Variants in CNTNAP2 observed in about 807,000 individuals in gnomAD.
CNTNAP2 encodes the protein contactin associated protein 2, also known as contactin-associated protein-like 2.
CNTNAP2 carries 98 observed loss-of-function variants against 155.2 expected under a neutral mutation model. The observed-to-expected ratio is 0.63, with a 90% CI of 0.54 to 0.75. The LOEUF (loss-of-function observed/expected upper bound fraction) is 0.75. Ranked by LOEUF, CNTNAP2 falls within the 30% of genes least tolerant of loss-of-function variation. The probability of loss-of-function intolerance (pLI) is 0.00; values close to 1 mark genes in which losing one functional copy is unlikely to be tolerated. For synonymous variants in CNTNAP2, 651 were observed against 631.2 expected, an observed-to-expected ratio of 1.03 and a Z score of -0.47; for missense variants, 1,727 against 1,688.1, an observed-to-expected ratio of 1.02 and a Z score of -0.40.
chr7:146,388,510 A>G (rs1266868778), intron 1 of CNTNAP2, among the ~76,000 whole-genome samples: 1 of 152,154 alleles, frequency 6.6e-6, no homozygotes, highest in Non-Finnish European at 1.5e-5. Context: ...ATGCAGGGGT[A>G]CATGAGATAT....
At chr7:148,045,234 A>G (rs532530281) in intron 15 of CNTNAP2, among the ~76,000 whole-genome samples, 1 of 152,230 alleles carries the variant, frequency 6.6e-6, no homozygotes, top group East Asian at 1.9e-4. Flanking sequence ...TGTGGGGAGC[A>G]AAAGAGATCA....
chr7:147,184,553 C>T (rs1802526780), intron 8 of CNTNAP2, among the ~76,000 whole-genome samples: 1 of 152,142 alleles, frequency 6.6e-6, no homozygotes, highest in Admixed American at 6.6e-5. Context: ...ACTGAAAACA[C>T]AGCCCACACC....
chr7:147,832,565 TTATATTGAAA>T (rs1462517765), intron 13 of CNTNAP2, among the ~76,000 whole-genome samples: 6 of 146,190 alleles, frequency 4.1e-5, no homozygotes, highest in African/African-American at 9.9e-5. Flanking sequence ...TTGAAATATA[TTATATTGAAA>T]TATATTGAAA....
intron 1 of CNTNAP2, among the ~76,000 whole-genome samples, chr7:146,665,914 C>T (rs1480759003): frequency 1.3e-5 from 2 of 151,148 alleles, no homozygotes; most frequent in East Asian, 3.9e-4. Context: ...AGTGATGCTT[C>T]AGTACATATA....
At chr7:146,837,175 G>T (rs9692426) in intron 2 of CNTNAP2, among the ~76,000 whole-genome samples, 59,291 of 151,778 alleles carry the variant, frequency 0.39, 15,072 homozygotes, top group African/African-American at 0.73. Context: ...ATCTCTGCTT[G>T]TAGTACTCCA....
At chr7:146,734,878 T>C (rs550758545) in intron 1 of CNTNAP2, among the ~76,000 whole-genome samples, 65 of 152,162 alleles carry the variant, frequency 4.3e-4, no homozygotes, top group Non-Finnish European at 8.8e-4. Context: ...ATCCTTAATT[T>C]TGAGTAATGC....
intron 23 of CNTNAP2, among the ~76,000 whole-genome samples, chr7:148,415,100 C>CTCCTTTTTGTTTCTCTGTTCTCAG (rs1475608562): frequency 2.0e-5 from 3 of 152,152 alleles, no homozygotes; most frequent in Admixed American, 2.0e-4. Context: ...TGTAGGATTC[C>CTCCTTTTTGTTTCTCTGTTCTCAG]TCCTTTTTGT....
intron 1 of CNTNAP2, among the ~76,000 whole-genome samples, chr7:146,557,983 A>G (rs1229413133): frequency 6.6e-6 from 1 of 152,216 alleles, no homozygotes; most frequent in East Asian, 1.9e-4. Flanking sequence ...AGAAAATGTA[A>G]TACAATCTAC....
chr7:147,620,435 C>T (rs10233594), intron 12 of CNTNAP2, among the ~76,000 whole-genome samples: 14,031 of 151,118 alleles, frequency 0.093, 1,797 homozygotes, highest in African/African-American at 0.27. Flanking sequence ...TAAGATAAAG[C>T]GGAGAAGGTA....
At chr7:146,438,781 T>C (rs1053168122) in intron 1 of CNTNAP2, among the ~76,000 whole-genome samples, 1 of 151,540 alleles carries the variant, frequency 6.6e-6, no homozygotes. Flanking sequence ...AGGTTTTTTA[T>C]TGAGCTTTGG....
At chr7:146,295,904 A>G (rs1489991918) in intron 1 of CNTNAP2, among the ~76,000 whole-genome samples, 3 of 151,860 alleles carry the variant, frequency 2.0e-5, no homozygotes, top group Non-Finnish European at 2.9e-5. Context: ...AAAGAAAAAA[A>G]GAAAAATTTT....
chr7:146,372,485 T>C (rs1028092945), intron 1 of CNTNAP2, among the ~76,000 whole-genome samples: 1 of 152,060 alleles, frequency 6.6e-6, no homozygotes, highest in Non-Finnish European at 1.5e-5. Flanking sequence ...TTACCATTCC[T>C]CCATTTACAT....
chr7:147,886,588 C>A (rs11980029), intron 13 of CNTNAP2, among the ~76,000 whole-genome samples: 31,645 of 149,046 alleles, frequency 0.21, 4,038 homozygotes, highest in African/African-American at 0.37. Context: ...TGTCAGAGGG[C>A]TTCTCAACCA....
At chr7:148,115,838 T>C (rs1804457175) in intron 15 of CNTNAP2, among the ~76,000 whole-genome samples, 1 of 151,864 alleles carries the variant, frequency 6.6e-6, no homozygotes, top group African/African-American at 2.4e-5. Context: ...TTTTATACTT[T>C]GTTTAAAAAA....
At chr7:148,016,166 C>G (rs1378051823) in intron 15 of CNTNAP2, among the ~76,000 whole-genome samples, 1 of 152,222 alleles carries the variant, frequency 6.6e-6, no homozygotes, top group Non-Finnish European at 1.5e-5. Flanking sequence ...CATCTTGCAC[C>G]TGCCTGCCAA....
At chr7:147,674,228 A>C (rs1342290198) in intron 13 of CNTNAP2, among the ~76,000 whole-genome samples, 2 of 152,202 alleles carry the variant, frequency 1.3e-5, no homozygotes. Context: ...GGAAAGATGT[A>C]GGTGCTATTT....
intron 8 of CNTNAP2, among the ~76,000 whole-genome samples, chr7:147,250,596 T>C (rs1804176356): frequency 6.6e-6 from 1 of 150,558 alleles, no homozygotes; most frequent in Non-Finnish European, 1.5e-5. Flanking sequence ...TCAGTCTTAG[T>C]ACAGTCCCTC....
chr7:147,895,690 A>G (rs568647212), intron 13 of CNTNAP2, among the ~76,000 whole-genome samples: 1 of 152,334 alleles, frequency 6.6e-6, no homozygotes, highest in Non-Finnish European at 1.5e-5. Context: ...TTTAACTGCT[A>G]TTCCCCAAAG....
chr7:147,849,652 G>A (rs1798887518), intron 13 of CNTNAP2, among the ~76,000 whole-genome samples: 2 of 152,170 alleles, frequency 1.3e-5, no homozygotes. Context: ...CTGTTCTATT[G>A]TCTTGGACAA....
Sources: allele counts gnomAD v4.1 joint callset (sites outside exome capture counted in the v4.1 genomes callset), GRCh38; gene constraint gnomAD v4.1.1; transcripts MANE v1.5; gene names NCBI Gene and HGNC (gene_info 2026-07-23, HGNC 2026-07-21).